SLIT1: variants seen among roughly 807,000 people sequenced by gnomAD.
SLIT1 encodes the protein slit homolog 1 protein.
SLIT1 carries 66 observed loss-of-function variants against 186.1 expected under a neutral mutation model. The observed-to-expected ratio is 0.35, with a 90% CI of 0.29 to 0.44. The LOEUF (loss-of-function observed/expected upper bound fraction) is 0.44. SLIT1 is among the 20% of genes least tolerant of loss of function. The probability of loss-of-function intolerance (pLI) is 1.00; values close to 1 mark genes in which losing one functional copy is unlikely to be tolerated. For missense variants in SLIT1, 1,638 were observed against 2,037.4 expected, an observed-to-expected ratio of 0.80 and a Z score of 3.77; for synonymous variants, 761 against 833.8, an observed-to-expected ratio of 0.91 and a Z score of 1.50.
At chr10:97,180,043 T>C (rs1850313679) in intron 1 of SLIT1, among the ~76,000 whole-genome samples, 1 of 152,152 alleles carries the variant, frequency 6.6e-6, no homozygotes, top group Non-Finnish European at 1.5e-5. Flanking sequence ...CCGCCCCTGC[T>C]GGCAGCCTCG....
chr10:97,133,274 C>A (rs1849671254), intron 4 of SLIT1, among the ~76,000 whole-genome samples: 1 of 152,230 alleles, frequency 6.6e-6, no homozygotes, highest in Admixed American at 6.5e-5. Flanking sequence ...CACACTGGGC[C>A]AGGCGCGGTG....
At chr10:97,019,495 G>GA (rs564480215) in intron 26 of SLIT1, among the ~76,000 whole-genome samples, 25 of 152,180 alleles carry the variant, frequency 1.6e-4, no homozygotes, top group Non-Finnish European at 3.1e-4. Context: ...CTGAGGCAAT[G>GA]ACCCCATCCT....
intron 4 of SLIT1, among the ~76,000 whole-genome samples, chr10:97,076,040 C>G (rs1357932550): frequency 6.6e-6 from 1 of 152,164 alleles, no homozygotes; most frequent in African/African-American, 2.4e-5. Context: ...CAAGGCCCGC[C>G]TTCCTGAGGA....
chr10:97,026,096 C>T (rs184529835), intron 25 of SLIT1, among the ~76,000 whole-genome samples: 2 of 151,964 alleles, frequency 1.3e-5, no homozygotes, highest in East Asian at 3.9e-4. Context: ...AGTGTATTCC[C>T]TTCCATTTCC....
At chr10:97,124,497 G>A (rs936115093) in intron 4 of SLIT1, among the ~76,000 whole-genome samples, 9 of 152,212 alleles carry the variant, frequency 5.9e-5, no homozygotes, top group South Asian at 2.1e-4. Flanking sequence ...TCTCCTCTGC[G>A]GAGGCTGCAG....
chr10:97,046,241 A>G, intron 18 of SLIT1, among the ~76,000 whole-genome samples: 1 of 152,142 alleles, frequency 6.6e-6, no homozygotes, highest in East Asian at 1.9e-4. Context: ...GGATCCTAGC[A>G]TCTCAGGGAC....
Position 97,048,836 on chromosome 10 carries a change from C to A in SLIT1, c.1465+119G>T. On this transcript the variant is annotated intron_variant, in intron 14 of 36. Transcript: ENST00000266058. ...GCAGGTGGACAGGTAGGCAGGCAGG[C>A]AAGTGAGCAGGCGGGTAGGTGGGCA... 5 of 909,860 alleles carry A rather than the reference C, an allele frequency of 5.5e-6. No individual in the cohort carries two copies. The South Asian group carries it at 7.6e-5, about 14-fold the overall frequency. 56.4% of individuals were successfully genotyped at this position (909,860 alleles called of 1,614,324 possible). A position where few individuals can be genotyped will look rare whatever the true frequency, so the allele number is the denominator to read the frequency against.
At chr10:97,131,476 A>G (rs1250848511) in intron 4 of SLIT1, among the ~76,000 whole-genome samples, 1 of 152,226 alleles carries the variant, frequency 6.6e-6, no homozygotes, top group Non-Finnish European at 1.5e-5. Context: ...TCTGCCAGCC[A>G]TGCTGGGTAT....
At chr10:97,110,180 T>C (rs1849451874) in intron 4 of SLIT1, among the ~76,000 whole-genome samples, 2 of 152,178 alleles carry the variant, frequency 1.3e-5, no homozygotes, top group African/African-American at 4.8e-5. Context: ...TGAAACCATA[T>C]AGAGGTGCCA....
chr10:97,032,570 CAA>C (rs377278794), intron 23 of SLIT1, among the ~76,000 whole-genome samples: 229 of 120,788 alleles, frequency 1.9e-3, no homozygotes, highest in African/African-American at 6.5e-3. Context: ...CTCCCCATCT[CAA>C]AAAAAAAAAA....
chr10:97,003,040 T>C (rs1350293267), intron 34 of SLIT1, 48 bp from the exon 35 acceptor site: 4 of 1,567,946 alleles, frequency 2.6e-6, no homozygotes, highest in Non-Finnish European at 3.5e-6. Flanking sequence ...GCTCGGGCTA[T>C]GCCGGGCACC....
intron 1 of SLIT1, among the ~76,000 whole-genome samples, chr10:97,171,884 A>G (rs991620000): frequency 6.6e-6 from 1 of 151,514 alleles, no homozygotes; most frequent in African/African-American, 2.4e-5. Flanking sequence ...GTGTCCACCA[A>G]CCCAGCCTGC....
intron 4 of SLIT1, among the ~76,000 whole-genome samples, chr10:97,119,491 A>G (rs557342671): frequency 5.1e-4 from 78 of 152,282 alleles, no homozygotes; most frequent in African/African-American, 1.8e-3. Context: ...TGGAAACATG[A>G]ATTCACAATG....
At chr10:97,070,685 A>G (rs187657031) in intron 4 of SLIT1, among the ~76,000 whole-genome samples, 19 of 152,354 alleles carry the variant, frequency 1.2e-4, no homozygotes, top group Middle Eastern at 3.4e-3. Flanking sequence ...GGACACAGCT[A>G]GAAGGCACTG....
At chr10:97,164,736 C>T (rs1850079567) in intron 2 of SLIT1, 83 bp downstream of exon 2, 6 of 1,064,544 alleles carry the variant, frequency 5.6e-6, no homozygotes, top group South Asian at 5.0e-5. Context: ...CAGCCCACCA[C>T]CCTACCACCC....
At chr10:97,150,359 G>A (rs78754054) in intron 4 of SLIT1, among the ~76,000 whole-genome samples, 9,175 of 152,176 alleles carry the variant, frequency 0.06, 572 homozygotes, top group African/African-American at 0.17. Context: ...ATGGGGGCTG[G>A]GGACCAAGAC....
At chr10:97,078,865 G>C (rs1273608599) in intron 4 of SLIT1, among the ~76,000 whole-genome samples, 2 of 152,244 alleles carry the variant, frequency 1.3e-5, no homozygotes, top group Non-Finnish European at 2.9e-5. Flanking sequence ...CTAGTCCTGG[G>C]CGGGAATGCA....
At chr10:97,141,865 T>C (rs149265924) in intron 4 of SLIT1, among the ~76,000 whole-genome samples, 150 of 152,282 alleles carry the variant, frequency 9.9e-4, no homozygotes, top group Middle Eastern at 3.4e-3. Flanking sequence ...TGCTCATGGT[T>C]CACTGCATCC....
chr10:97,181,165 G>A (rs1465177345), intron 1 of SLIT1, among the ~76,000 whole-genome samples: 14 of 152,164 alleles, frequency 9.2e-5, no homozygotes, highest in Non-Finnish European at 5.9e-5. Flanking sequence ...TAAGCCAGTG[G>A]GCCAGTGACC....
Sources: gnomAD v4.1 joint callset for allele counts (sites outside exome capture counted in the v4.1 genomes callset) on GRCh38, gnomAD v4.1.1 for gene constraint, MANE v1.5 for transcripts, NCBI Gene and HGNC (gene_info 2026-07-23, HGNC 2026-07-21) for gene names.